Variants in DYDC2 observed in about 807,000 individuals in gnomAD.
DYDC2 encodes the protein DPY30 domain-containing protein 2.
A neutral mutation model predicts 18.7 loss-of-function variants in DYDC2; 19 were observed. The ratio of observed to expected loss-of-function variants is 1.02; its 90% CI spans 0.71 to 1.49. The LOEUF (loss-of-function observed/expected upper bound fraction) is 1.49. Ranked by LOEUF, DYDC2 falls within the 40% of genes most tolerant of loss-of-function variation. The pLI is 0.00. For missense variants in DYDC2, 179 were observed against 205.1 expected (o/e 0.87, Z 0.78); for synonymous variants, 63 against 67.6 (o/e 0.93, Z 0.34).
chr10:80,362,705 T>C, intron 3 of DYDC2, 115 bp downstream of exon 3: 3 of 1,471,250 alleles, frequency 2.0e-6, no homozygotes, highest in Middle Eastern at 2.0e-4. Context: ...TTTATTTGAC[T>C]TGCTCTTAGA....
chr10:80,363,584 A>G (rs1970433), intron 4 of DYDC2, among the ~76,000 whole-genome samples: 113,164 of 149,856 alleles, frequency 0.76, 43,572 homozygotes, highest in East Asian at 0.97. Context: ...TCCTGACCTC[A>G]TGATCTGCCC....
upstream of DYDC2, chr10:80,351,894 G>A (rs1359541431): frequency 6.2e-7 from 1 of 1,613,640 alleles, no homozygotes; most frequent in Admixed American, 1.7e-5. Context: ...TCTCCTACTT[G>A]CCTCACCTGC....
At chr10:80,356,429 T>A, upstream of DYDC2, 1 of 985,048 alleles carries the variant, frequency 1.0e-6, no homozygotes, top group Non-Finnish European at 1.2e-6. Context: ...AGATACAGTA[T>A]TGTATCTGGC....
At chr10:80,355,167 T>C (rs888951127), upstream of DYDC2, among the ~76,000 whole-genome samples, 1 of 151,412 alleles carries the variant, frequency 6.6e-6, no homozygotes, top group African/African-American at 2.4e-5. Context: ...AAGGCCCTGA[T>C]ATAGGAATGA....
rs1180094975 is a variant in DYDC2, at chr10:80,367,680, T to A, written c.*729T>A. On this transcript the variant is annotated 3_prime_UTR_variant, in exon 5 of 5. Transcript: ENST00000256039. Reference sequence around the variant, plus strand: ...CGTGTGTTCATGTCTTAACTTTTGCTTCACTTCACAGTCAGGCCTCTCCGA... The same window carrying A: ...CGTGTGTTCATGTCTTAACTTTTGCATCACTTCACAGTCAGGCCTCTCCGA... The A allele has an allele frequency of 6.6e-6, 1 of 152,200 alleles. No individual in the cohort carries two copies. Among genetic ancestry groups the A allele is most frequent in the African/African-American group, 2.4e-5 (1 of 41,444 alleles). 9.4% of individuals were successfully genotyped at this position (152,200 alleles called of 1,614,324 possible).
chr10:80,352,692 AG>A, upstream of DYDC2: 2 of 1,443,442 alleles, frequency 1.4e-6, no homozygotes, highest in Non-Finnish European at 1.8e-6. Context: ...AGGTGAACAA[AG>A]CCTTACATAC....
At chr10:80,352,150 A>T (rs1388037818), upstream of DYDC2, 1 of 785,434 alleles carries the variant, frequency 1.3e-6, no homozygotes, top group Non-Finnish European at 2.0e-6. Flanking sequence ...ATAATTTGGG[A>T]AGATATTTTA....
intron 1 of DYDC2, among the ~76,000 whole-genome samples, chr10:80,346,875 G>A (rs1842674084): frequency 6.7e-6 from 1 of 150,316 alleles, no homozygotes; most frequent in Non-Finnish European, 1.5e-5. Flanking sequence ...AGGAGTTCAA[G>A]ACCAGCCTGG....
chr10:80,354,129 A>ATAT (rs1554846405), upstream of DYDC2, among the ~76,000 whole-genome samples: 4 of 147,674 alleles, frequency 2.7e-5, no homozygotes, highest in South Asian at 6.4e-4. Flanking sequence ...TATAAAAAAA[A>ATAT]ATATATATAT....
chr10:80,352,838 C>T, upstream of DYDC2: 1 of 393,528 alleles, frequency 2.5e-6, no homozygotes, highest in East Asian at 4.1e-5. Context: ...CTGAAGGACT[C>T]TCAAGTCCAA....
At chr10:80,359,802 C>T (rs2132887033) in intron 2 of DYDC2, among the ~76,000 whole-genome samples, 1 of 152,296 alleles carries the variant, frequency 6.6e-6, no homozygotes, top group South Asian at 2.1e-4. Context: ...CCCACCAAGC[C>T]CGCGCCCACC....
In DYDC2 at chr10:80,366,963, T is replaced by C. The variant is rs778876371; in HGVS notation, c.*12T>C. On this transcript the variant is annotated 3_prime_UTR_variant, in exon 5 of 5. Coordinates refer to ENST00000256039, the MANE Select transcript of DYDC2 (RefSeq NM_032372.6). ...AATCTCCTTTTTAGGTTACAGAAGG[T>C]AGATGCTTCTGATTTACTTCTCTCA... 5 of 1,597,754 alleles carry C rather than the reference T, an allele frequency of 3.1e-6. No individual in the cohort carries two copies. The African/African-American group carries it at 4.1e-5, about 13-fold the overall frequency.
At chr10:80,352,104 A>G, upstream of DYDC2, 1 of 1,084,558 alleles carries the variant, frequency 9.2e-7, no homozygotes, top group Non-Finnish European at 1.4e-6. Flanking sequence ...GGAAAGTGTT[A>G]AGCAAATTAT....
chr10:80,358,878 T>G (rs1843563980), intron 2 of DYDC2, among the ~76,000 whole-genome samples: 1 of 152,234 alleles, frequency 6.6e-6, no homozygotes, highest in East Asian at 1.9e-4. Context: ...TGTTCGGATG[T>G]GTTCAGAGTT....
chr10:80,367,860 G>A lies in DYDC2; in HGVS notation c.*909G>A, dbSNP rs1843883894. 1 of 152,098 alleles carries A rather than the reference G, an allele frequency of 6.6e-6. No homozygotes were observed. Among genetic ancestry groups the A allele is most frequent in the Admixed American group, 6.6e-5 (1 of 15,266 alleles). The allele number at this position is 152,098 out of a possible 1,614,324, so 9.4% of individuals were successfully genotyped here. A position where few individuals can be genotyped will look rare whatever the true frequency, so the allele number is the denominator to read the frequency against. On this transcript the variant is annotated 3_prime_UTR_variant, in exon 5 of 5. Coordinates refer to ENST00000256039, the MANE Select transcript of DYDC2 (RefSeq NM_032372.6). ...CATCTTAACCATTTTTAAGTGTACA[G>A]ATCAGTTGTATTAAGTAGATTCATA...
In DYDC2 at chr10:80,367,052, C is replaced by G. The variant is rs1047952; in HGVS notation, c.*101C>G. On this transcript the variant is annotated 3_prime_UTR_variant, in exon 5 of 5. Coordinates refer to ENST00000256039, the MANE Select transcript of DYDC2 (RefSeq NM_032372.6). ...TTTAAGGGGCTGTAAAAGGCAAGTT[C>G]AGGGACTCTCCAGCCTACTCCTTTT... 0.71 allele frequency: 1,011,237 copies of G among 1,433,284 alleles called. 360,650 individuals carry two copies. The highest frequency in any genetic ancestry group is 0.96 in the East Asian group (41,929 of 43,810). The allele number at this position is 1,433,284 out of a possible 1,614,324, so 88.8% of individuals were successfully genotyped here.
intron 2 of DYDC2, among the ~76,000 whole-genome samples, chr10:80,359,060 T>A (rs1013670115): frequency 5.9e-5 from 9 of 152,226 alleles, no homozygotes; most frequent in Non-Finnish European, 1.2e-4. Context: ...CAGAGCAGGT[T>A]GCAGCTGCTG....
intron 2 of DYDC2, among the ~76,000 whole-genome samples, chr10:80,360,330 C>A (rs1843626078): frequency 6.6e-6 from 1 of 152,146 alleles, no homozygotes; most frequent in African/African-American, 2.4e-5. Context: ...CTTGTCTTTT[C>A]CAGCTTCTAG....
intron 3 of DYDC2, 78 bp downstream of exon 3, chr10:80,362,668 C>G: frequency 6.6e-7 from 1 of 1,521,432 alleles, no homozygotes; most frequent in Non-Finnish European, 8.8e-7. Flanking sequence ...AGGCAGGATT[C>G]TGGAGCTGGC....
Sources: gnomAD v4.1 joint callset for allele counts (sites outside exome capture counted in the v4.1 genomes callset) on GRCh38, gnomAD v4.1.1 for gene constraint, MANE v1.5 for transcripts, NCBI Gene and HGNC (gene_info 2026-07-23, HGNC 2026-07-21) for gene names.